Variants in ZKSCAN5 observed in about 807,000 individuals in gnomAD.
ZKSCAN5 encodes the protein zinc finger protein with KRAB and SCAN domains 5.
Under a neutral mutation model 60.0 loss-of-function variants are expected in ZKSCAN5, and 28 were observed. The observed-to-expected ratio is 0.47, with a 90% CI of 0.35 to 0.64. The LOEUF (loss-of-function observed/expected upper bound fraction) is 0.64. ZKSCAN5 is among the 30% of genes least tolerant of loss of function. The probability of loss-of-function intolerance (pLI) is 0.01; values close to 1 mark genes in which losing one functional copy is unlikely to be tolerated. For missense variants in ZKSCAN5, 881 were observed against 1,034.6 expected (o/e 0.85, Z 2.04); for synonymous variants, 361 against 371.2 (o/e 0.97, Z 0.31).
chr7:99,532,377 A>G lies in ZKSCAN5; in HGVS notation c.*128A>G. 1 of 915,510 alleles carries G rather than the reference A, an allele frequency of 1.1e-6. No homozygotes were observed. Among genetic ancestry groups the G allele is most frequent in the Non-Finnish European group, 1.6e-6 (1 of 635,884 alleles). 56.7% of individuals were successfully genotyped at this position (915,510 alleles called of 1,614,324 possible). A position where few individuals can be genotyped will look rare whatever the true frequency, so the allele number is the denominator to read the frequency against. On this transcript the variant is annotated 3_prime_UTR_variant, in exon 7 of 7. Transcript: ENST00000326775. ...ACAAATAGGTTGAAATCCTTTAGTT[A>G]TAACTCAGCCTTTAGGAACACCGGA...
rs1319651955 is a variant in ZKSCAN5, at chr7:99,506,013, A to T, written c.-32A>T. The stretch of plus-strand genomic sequence containing the variant: ...AAAAACAATTGTTTCAGTGTAACAC[A>T]GCCAGCCTCGAAGACTTCCCTCTGA... On this transcript the variant is annotated 5_prime_UTR_variant, in exon 2 of 7. Coordinates refer to ENST00000326775, the MANE Select transcript of ZKSCAN5 (RefSeq NM_145102.4). 5 of 1,601,728 alleles carry T rather than the reference A, an allele frequency of 3.1e-6. No homozygotes were observed. The African/African-American group carries it at 6.7e-5, about 22-fold the overall frequency.
intron 4 of ZKSCAN5, 35 bp downstream of exon 4, chr7:99,519,944 C>T: frequency 6.2e-7 from 1 of 1,604,814 alleles, no homozygotes; most frequent in Non-Finnish European, 8.5e-7. Context: ...AGAGAGGACC[C>T]ATCCTGAACC....
At chr7:99,528,119 CTTTTTTTT>C (rs869150553) in intron 6 of ZKSCAN5, among the ~76,000 whole-genome samples, 1 of 121,256 alleles carries the variant, frequency 8.2e-6, no homozygotes, top group African/African-American at 3.0e-5. Context: ...AAATGTTTTT[CTTTTTTTT>C]TTTTTTTTTT....
chr7:99,516,958 C>A (rs772024695), intron 3 of ZKSCAN5, among the ~76,000 whole-genome samples: 11 of 152,216 alleles, frequency 7.2e-5, no homozygotes, highest in Non-Finnish European at 1.0e-4. Context: ...AATCTTTTGG[C>A]TTTCCTGGGC....
At chr7:99,507,484 T>C in intron 2 of ZKSCAN5, among the ~76,000 whole-genome samples, 1 of 136,524 alleles carries the variant, frequency 7.3e-6, no homozygotes, top group East Asian at 3.1e-4. Flanking sequence ...TATATATGTG[T>C]ATATATGTAT....
intron 3 of ZKSCAN5, among the ~76,000 whole-genome samples, chr7:99,519,225 C>G (rs1168898898): frequency 6.6e-6 from 1 of 151,126 alleles, no homozygotes; most frequent in African/African-American, 2.4e-5. Context: ...CCTCCTGCCT[C>G]GGCCTCCCAA....
At chr7:99,512,721 A>G in intron 3 of ZKSCAN5, 130 bp downstream of exon 3, 1 of 1,214,036 alleles carries the variant, frequency 8.2e-7, no homozygotes, top group Non-Finnish European at 1.1e-6. Flanking sequence ...GTCTAGAAGC[A>G]GGGAAAGGCC....
rs550274733 is a variant in ZKSCAN5 at position 99,525,877 on chromosome 7, C to G, written c.837C>G (p.His279Gln). Residue 279 changes from histidine to glutamine, a missense_variant, in exon 6 of 7, where the codon CAC becomes CAG. His to Gln is a conservative substitution (Grantham distance 24). Transcript: ENST00000326775. ...VKQISDDSES[H>Q]WVAPEHTERS... Reference sequence around the variant, plus strand: ...AGATTTCTGATGACTCTGAATCACACTGGGTGGCGCCAGAACACACCGAAA... The same window carrying G: ...AGATTTCTGATGACTCTGAATCACAGTGGGTGGCGCCAGAACACACCGAAA... 3.1e-6 allele frequency: 5 copies of G among 1,614,012 alleles called. No individual in the cohort carries two copies. The South Asian group carries it at 5.5e-5, about 18-fold the overall frequency.
chr7:99,509,528 G>A (rs538126993), intron 2 of ZKSCAN5, among the ~76,000 whole-genome samples: 1 of 149,644 alleles, frequency 6.7e-6, no homozygotes, highest in South Asian at 2.1e-4. Context: ...GTGCAGTGGC[G>A]TGATCTCTGC....
In ZKSCAN5 at chr7:99,520,031, C is replaced by T. The variant is rs774550489; in HGVS notation, c.636+122C>T. 1.5e-4 allele frequency: 222 copies of T among 1,492,244 alleles called. 1 individual carries two copies. The highest frequency in any genetic ancestry group is 1.9e-4 in the Non-Finnish European group (211 of 1,088,138). 92.4% of individuals were successfully genotyped at this position (1,492,244 alleles called of 1,614,324 possible). A position where few individuals can be genotyped will look rare whatever the true frequency, so the allele number is the denominator to read the frequency against. ...GTACCTTCATTCCTTTGGCCTTTTTCCTTTCTGCCTAGTCCTTCCCCATCC... is the reference window on the plus strand; with the variant it reads ...GTACCTTCATTCCTTTGGCCTTTTTTCTTTCTGCCTAGTCCTTCCCCATCC... On this transcript the variant is annotated intron_variant, in intron 4 of 6. Transcript: ENST00000326775.
At position 99,526,318 on chromosome 7, in the gene ZKSCAN5, A is replaced by G; in HGVS notation, c.1278A>G (p.Gly426=). 1 of 1,611,214 alleles carries G rather than the reference A, an allele frequency of 6.2e-7. No homozygotes were observed. Residue 426 remains glycine, a synonymous_variant, in exon 6 of 7, where the codon GGA becomes GGG. Coordinates refer to ENST00000326775, the MANE Select transcript of ZKSCAN5 (RefSeq NM_145102.4). ...HLVQHHSVHS[G]ERPYGCNECG... ...TTCAGCACCACAGTGTCCACAGCGG[A>G]GAGAGGCCCTATGGCTGCAATGAGT...
At chr7:99,514,777 A>T (rs1251909021) in intron 3 of ZKSCAN5, among the ~76,000 whole-genome samples, 1 of 151,804 alleles carries the variant, frequency 6.6e-6, no homozygotes, top group East Asian at 1.9e-4. Flanking sequence ...GCGTGGTGGC[A>T]GATGCCTGTA....
chr7:99,507,511 G>GTATATATATGTATATATATA (rs1231084896), intron 2 of ZKSCAN5, among the ~76,000 whole-genome samples: 2 of 137,642 alleles, frequency 1.5e-5, no homozygotes, highest in East Asian at 4.3e-4. Context: ...GTATATATAT[G>GTATATATATGTATATATATA]TGTGTATATA....
Position 99,506,190 on chromosome 7 carries a change from T to C in ZKSCAN5, c.146T>C (p.Phe49Ser). Residue 49 changes from phenylalanine (F) to serine (S), a missense_variant, in exon 2 of 7, where the codon TTT becomes TCT. Coordinates refer to ENST00000326775, the MANE Select transcript of ZKSCAN5 (RefSeq NM_145102.4). ...TACAACCCGCCAACGTTTGAGACTT[T>C]TTACCAGCGCTTCAGGCACTTCCAG... ...QEYNPPTFET[F>S]YQRFRHFQYH... 5 of 1,614,158 alleles carry C rather than the reference T, an allele frequency of 3.1e-6. No homozygotes were observed. The highest frequency in any genetic ancestry group is 3.4e-6 in the Non-Finnish European group (4 of 1,180,028).
chr7:99,509,455 G>A (rs545901274), intron 2 of ZKSCAN5, among the ~76,000 whole-genome samples: 2 of 148,746 alleles, frequency 1.3e-5, no homozygotes, highest in East Asian at 4.0e-4. Flanking sequence ...AATTTCTTTT[G>A]TTTGACCACA....
chr7:99,515,993 CTT>C (rs1219636117), intron 3 of ZKSCAN5, among the ~76,000 whole-genome samples: 3 of 145,728 alleles, frequency 2.1e-5, no homozygotes, highest in African/African-American at 5.0e-5. Flanking sequence ...CTCATCTTTG[CTT>C]TTTTTTTTTT....
In ZKSCAN5 at chr7:99,520,171, G is replaced by C; in HGVS notation, c.639G>C (p.Lys213Asn). 1 of 1,611,640 alleles carries C rather than the reference G, an allele frequency of 6.2e-7. No homozygotes were observed. Among genetic ancestry groups the C allele is most frequent in the Non-Finnish European group, 8.5e-7 (1 of 1,179,380 alleles). ...TASLLSTGSQ[K>N]LVKIEEVADV... ...TTAGTGGAGATCTCCTGTTTCAGAAGTTGGTGAAAATTGAAGAGGTGGCTG... is the reference window on the plus strand; with the variant it reads ...TTAGTGGAGATCTCCTGTTTCAGAACTTGGTGAAAATTGAAGAGGTGGCTG... Residue 213 changes from lysine (K) to asparagine (N), a missense_variant and splice_region_variant, in exon 5 of 7, where the codon AAG becomes AAC. By Grantham distance (94) the Lys-to-Asn change is moderately conservative. Around this residue, in one of 5 missense-constraint regions of ZKSCAN5, gnomAD observed 490 missense variants for 554.5 expected, o/e 0.88. Coordinates refer to ENST00000326775, the MANE Select transcript of ZKSCAN5 (RefSeq NM_145102.4).
intron 2 of ZKSCAN5, among the ~76,000 whole-genome samples, chr7:99,507,525 ATATG>A (rs1584162600): frequency 1.8e-4 from 24 of 133,450 alleles, no homozygotes; most frequent in South Asian, 4.5e-4. Flanking sequence ...GTATATATGT[ATATG>A]TGTATATATA....
chr7:99,505,887 T>C (rs911153876), intron 1 of ZKSCAN5, 118 bp from the exon 2 acceptor site: 27 of 817,806 alleles, frequency 3.3e-5, no homozygotes, highest in Non-Finnish European at 4.9e-5. Context: ...GTCTTTAGTA[T>C]AGATGACCTC....
Sources: allele counts gnomAD v4.1 joint callset (sites outside exome capture counted in the v4.1 genomes callset), GRCh38; gene constraint gnomAD v4.1.1; regional missense constraint gnomAD v4.1.1; transcripts MANE v1.5; gene names NCBI Gene and HGNC (gene_info 2026-07-23, HGNC 2026-07-21).